The following ABL1 variants were observed in gnomAD, a reference collection of about 807,000 sequenced individuals.
ABL1 encodes tyrosine-protein kinase ABL1.
In ABL1, 11 loss-of-function variants were observed where a neutral mutation model predicts 94.7. The observed-to-expected ratio is 0.12, with a 90% CI of 0.07 to 0.19. The LOEUF is 0.19. Among genes scored for constraint, ABL1 ranks in the 10% least tolerant of loss-of-function variants. ABL1 has a pLI of 1.00. For missense variants in ABL1, 1,082 were observed against 1,489.4 expected, an observed-to-expected ratio of 0.73 and a Z score of 4.50; for synonymous variants, 656 against 622.4, an observed-to-expected ratio of 1.05 and a Z score of -0.80.
At chr9:130,876,574 C>A (rs537393651) in intron 7 of ABL1, among the ~76,000 whole-genome samples, 1 of 150,676 alleles carries the variant, frequency 6.6e-6, no homozygotes, top group Admixed American at 6.6e-5. Context: ...CCTGCCACCA[C>A]GCCTGGCTAA....
intron 1 of ABL1, among the ~76,000 whole-genome samples, chr9:130,807,960 A>G (rs1830150674): frequency 6.6e-6 from 1 of 151,014 alleles, no homozygotes; most frequent in Non-Finnish European, 1.5e-5. Context: ...CAGCTTTTCA[A>G]AGTGTTGGGA....
chr9:130,743,958 G>T (rs1410275673), intron 1 of ABL1, among the ~76,000 whole-genome samples: 5 of 152,126 alleles, frequency 3.3e-5, no homozygotes, highest in Non-Finnish European at 7.3e-5. Context: ...TTGGAAGCGG[G>T]TGTGTTTCTA....
At chr9:130,857,825 A>G (rs1259789617) in intron 3 of ABL1, among the ~76,000 whole-genome samples, 4 of 152,094 alleles carry the variant, frequency 2.6e-5, no homozygotes, top group African/African-American at 7.2e-5. Context: ...CGGACAAAAG[A>G]GCCTGTTATC....
At chr9:130,759,106 G>A (rs1276885472) in intron 1 of ABL1, among the ~76,000 whole-genome samples, 1 of 151,532 alleles carries the variant, frequency 6.6e-6, no homozygotes, top group Non-Finnish European at 1.5e-5. Flanking sequence ...GTTGCGTAGA[G>A]GAAGAGAAGA....
intron 1 of ABL1, among the ~76,000 whole-genome samples, chr9:130,771,876 C>G (rs1832257762): frequency 6.6e-6 from 1 of 151,748 alleles, no homozygotes; most frequent in South Asian, 2.1e-4. Context: ...ACCTCAGCCT[C>G]CTGAGTAGCT....
Position 130,846,116 on chromosome 9 carries a change from T to A in ABL1, c.80-7948T>A, listed in dbSNP as rs983832010. ...GTGTGTGTGTGTGTGTGTGCTTGTG[T>A]GTGTGTGTGTTTTAATAATTTTAAC... is the stretch of plus-strand genomic sequence containing the variant. On this transcript the variant is annotated intron_variant, in intron 1 of 10. Coordinates refer to ENST00000318560, the MANE Select transcript of ABL1 (RefSeq NM_005157.6). Among the ~76,000 whole-genome samples, 56 of 151,620 alleles carry A rather than the reference T, an allele frequency of 3.7e-4. 1 individual carries two copies. The Middle Eastern group carries it at 0.014, about 37-fold the overall frequency.
chr9:130,744,540 C>T (rs922200389), intron 1 of ABL1, among the ~76,000 whole-genome samples: 1 of 151,420 alleles, frequency 6.6e-6, no homozygotes, highest in Admixed American at 6.6e-5. Context: ...AGAATTTGTT[C>T]TACACATAGA....
At position 130,874,937 on chromosome 9, in the gene ABL1, C is replaced by T. The variant is rs1236480311; in HGVS notation, c.1155C>T (p.Ser385=). ...TGAAGGTAGCTGATTTTGGCCTGAG[C>T]AGGTTGATGACAGGGGACACCTACA... The part of the protein sequence containing the change: ...HLVKVADFGL[S]RLMTGDTYTA... The change falls in exon 7 of 11, where the codon AGC becomes AGT. Residue 385 remains serine, a synonymous_variant. Transcript: ENST00000318560. 1 of 1,614,162 alleles carries T rather than the reference C, an allele frequency of 6.2e-7. No individual in the cohort carries two copies. The highest frequency in any genetic ancestry group is 2.2e-5 in the East Asian group (1 of 44,884).
At chr9:130,798,447 A>T (rs1830009478) in intron 1 of ABL1, among the ~76,000 whole-genome samples, 1 of 152,212 alleles carries the variant, frequency 6.6e-6, no homozygotes, top group Non-Finnish European at 1.5e-5. Flanking sequence ...TATGAAGTTA[A>T]TCTAACTACT....
At chr9:130,864,531 C>T (rs1383130469) in intron 4 of ABL1, among the ~76,000 whole-genome samples, 2 of 152,196 alleles carry the variant, frequency 1.3e-5, no homozygotes, top group East Asian at 3.8e-4. Context: ...AGGCATGAGC[C>T]ACCACACCCG....
chr9:130,834,734 A>T (rs935947520), upstream of ABL1: 64 of 397,502 alleles, frequency 1.6e-4, no homozygotes, highest in Non-Finnish European at 2.6e-4. Flanking sequence ...TGTCGTGCGC[A>T]CGTGTGGTTG....
chr9:130,743,987 T>A (rs1235005428), intron 1 of ABL1, among the ~76,000 whole-genome samples: 1 of 152,168 alleles, frequency 6.6e-6, no homozygotes, highest in African/African-American at 2.4e-5. Flanking sequence ...TAAGGATATT[T>A]TTGGAAACAA....
At chr9:130,875,214 T>C (rs1831320355) in intron 7 of ABL1, among the ~76,000 whole-genome samples, 162 bp downstream of exon 7, 1 of 152,184 alleles carries the variant, frequency 6.6e-6, no homozygotes, top group South Asian at 2.1e-4. Flanking sequence ...CAATCTTGGC[T>C]CATTGCAGCC....
chr9:130,830,146 A>G (rs1166584564), intron 1 of ABL1, among the ~76,000 whole-genome samples: 1 of 152,210 alleles, frequency 6.6e-6, no homozygotes, highest in Non-Finnish European at 1.5e-5. Flanking sequence ...GCATACTAAT[A>G]CCATTAATTT....
chr9:130,835,987 T>G lies in ABL1; in HGVS notation c.79+462T>G, dbSNP rs138630513. ...TCCACCGTTAATTGGGACTGTGTGT[T>G]AAAAAGATCGACCCGTGTTTGTGAA... On this transcript the variant is annotated intron_variant, in intron 1 of 10. Transcript: ENST00000318560. The surrounding 1 kb of genome is among the most constrained non-coding windows in gnomAD (Gnocchi z 4.6). Among the ~76,000 whole-genome samples the G allele has an allele frequency of 6.4e-3, 974 of 152,360 alleles. 7 individuals are homozygous for G. Among genetic ancestry groups the G allele is most frequent in the South Asian group, 0.01 (50 of 4,820 alleles).
intron 8 of ABL1, 83 bp downstream of exon 8, chr9:130,878,650 G>C: frequency 6.5e-7 from 1 of 1,529,090 alleles, no homozygotes; most frequent in East Asian, 2.3e-5. Flanking sequence ...ACACAAAGTT[G>C]AAAGTTTTTC....
chr9:130,772,044 G>A (rs1444854728), intron 1 of ABL1, among the ~76,000 whole-genome samples: 2 of 152,160 alleles, frequency 1.3e-5, no homozygotes, highest in Non-Finnish European at 1.5e-5. Context: ...ATGAGCCACT[G>A]CGCCCAGCCA....
At chr9:130,788,783 T>C (rs1024602194) in intron 1 of ABL1, among the ~76,000 whole-genome samples, 2 of 152,360 alleles carry the variant, frequency 1.3e-5, no homozygotes, top group Middle Eastern at 3.4e-3. Context: ...GTTTCCTTAC[T>C]ATTAGATTCA....
intron 1 of ABL1, among the ~76,000 whole-genome samples, chr9:130,749,375 T>C (rs547733182): frequency 6.6e-6 from 1 of 152,324 alleles, no homozygotes; most frequent in Non-Finnish European, 1.5e-5. Flanking sequence ...TCTCTGGAAA[T>C]TGTAAAGCCC....
Sources: allele counts gnomAD v4.1 joint callset (sites outside exome capture counted in the v4.1 genomes callset), GRCh38; gene constraint gnomAD v4.1.1; non-coding constraint Gnocchi (gnomAD v3.1); transcripts MANE v1.5; gene names NCBI Gene and HGNC (gene_info 2026-07-23, HGNC 2026-07-21).